The following RFX3 variants were observed in gnomAD, a reference collection of about 807,000 sequenced individuals.
The protein encoded by RFX3 is transcription factor RFX3.
RFX3 carries 14 observed loss-of-function variants against 98.6 expected under a neutral mutation model. The ratio of observed to expected loss-of-function variants is 0.14; its 90% CI spans 0.09 to 0.22. The LOEUF (loss-of-function observed/expected upper bound fraction) is 0.22. RFX3 is among the 10% of genes least tolerant of loss of function. The pLI is 1.00. For missense variants in RFX3, 639 were observed against 926.9 expected (o/e 0.69, Z 4.03); for synonymous variants, 383 against 328.4 (o/e 1.17, Z -1.80).
chr9:3,449,925 G>A (rs1011750760), intron 1 of RFX3, among the ~76,000 whole-genome samples: 1 of 150,500 alleles, frequency 6.6e-6, no homozygotes, highest in Admixed American at 6.6e-5. Flanking sequence ...AATTAAAATA[G>A]TTTAGGACAA....
intron 1 of RFX3, among the ~76,000 whole-genome samples, chr9:3,403,541 C>T (rs866205946): frequency 1.3e-4 from 20 of 152,250 alleles, no homozygotes; most frequent in Middle Eastern, 6.8e-3. Flanking sequence ...GTAACATATA[C>T]AGGTTGGCTG....
chr9:3,363,562 T>C (rs1031663295), intron 2 of RFX3, among the ~76,000 whole-genome samples: 3 of 152,238 alleles, frequency 2.0e-5, no homozygotes, highest in African/African-American at 7.2e-5. Context: ...TTCTTACTTA[T>C]ACATGATTAT....
At chr9:3,330,560 G>T in intron 3 of RFX3, 43 bp from the exon 4 acceptor site, 1 of 1,538,628 alleles carries the variant, frequency 6.5e-7, no homozygotes. Context: ...GCTTATTTAT[G>T]TCATCTTATT....
intron 2 of RFX3, among the ~76,000 whole-genome samples, chr9:3,376,005 T>C (rs1838440560): frequency 6.6e-6 from 1 of 151,540 alleles, no homozygotes. Context: ...CTACTTTAAA[T>C]AAAAGTAGAA....
intron 7 of RFX3, among the ~76,000 whole-genome samples, chr9:3,284,287 C>T (rs181425425): frequency 6.6e-6 from 1 of 151,746 alleles, no homozygotes; most frequent in African/African-American, 2.4e-5. Context: ...TAAACTGCAG[C>T]AAATACTGTT....
At chr9:3,270,074 GA>G (rs1563833219) in intron 11 of RFX3, among the ~76,000 whole-genome samples, 1 of 51,822 alleles carries the variant, frequency 1.9e-5, no homozygotes, top group Non-Finnish European at 4.7e-5. Flanking sequence ...GAAAGAAAGA[GA>G]AAGAAGGAAA....
chr9:3,309,793 C>A (rs1034346084), intron 4 of RFX3, among the ~76,000 whole-genome samples: 1 of 152,126 alleles, frequency 6.6e-6, no homozygotes, highest in Non-Finnish European at 1.5e-5. Flanking sequence ...TATTTTAAGT[C>A]CCCATTGCCT....
chr9:3,381,288 C>A (rs1029225515), intron 2 of RFX3, among the ~76,000 whole-genome samples: 1 of 151,720 alleles, frequency 6.6e-6, no homozygotes, highest in South Asian at 2.1e-4. Flanking sequence ...TATTAATGGT[C>A]GTAAACAGGA....
chr9:3,280,546 C>T (rs1384133786), intron 7 of RFX3, among the ~76,000 whole-genome samples: 1 of 151,670 alleles, frequency 6.6e-6, no homozygotes, highest in African/African-American at 2.4e-5. Context: ...TTTGTGTCTT[C>T]CCAAAGAAGG....
At chr9:3,358,354 A>T (rs1334023415) in intron 2 of RFX3, among the ~76,000 whole-genome samples, 3 of 152,148 alleles carry the variant, frequency 2.0e-5, no homozygotes, top group African/African-American at 7.2e-5. Context: ...TCAGCCATAA[A>T]TATGCACAAT....
At chr9:3,259,062 C>CATGTATGTAAATA (rs1277424761) in intron 13 of RFX3, among the ~76,000 whole-genome samples, 1 of 151,854 alleles carries the variant, frequency 6.6e-6, no homozygotes, top group African/African-American at 2.4e-5. Flanking sequence ...TGTTTTATTG[C>CATGTATGTAAATA]ATCATATACT....
chr9:3,419,754 T>C (rs1843285598), intron 1 of RFX3, among the ~76,000 whole-genome samples: 2 of 152,244 alleles, frequency 1.3e-5, no homozygotes, highest in Non-Finnish European at 2.9e-5. Context: ...GTTGTTACAC[T>C]GTATTTTTCA....
chr9:3,494,098 G>GT (rs1564172978), intron 1 of RFX3, among the ~76,000 whole-genome samples: 1 of 152,004 alleles, frequency 6.6e-6, no homozygotes, highest in Non-Finnish European at 1.5e-5. Context: ...AAGATATCAC[G>GT]TATCTTTTAA....
rs139968532 is a variant in RFX3, at chr9:3,519,916, A to G, written c.-9+5831T>C. 1.0e-3 allele frequency among the ~76,000 whole-genome samples: 154 copies of G among 151,608 alleles called. 2 individuals carry two copies. In the East Asian group the frequency reaches 0.019, roughly 19 times the overall value. On this transcript the variant is annotated intron_variant, in intron 1 of 16. Transcript: ENST00000617270. ...TTCAAAAATCTAGCCTGGGCAATGT[A>G]GCAAGACCCTGTCTCTACAAAAAAA...
intron 1 of RFX3, among the ~76,000 whole-genome samples, chr9:3,498,013 T>C (rs1564176027): frequency 6.6e-6 from 1 of 152,054 alleles, no homozygotes; most frequent in East Asian, 1.9e-4. Context: ...CATGTGTGTA[T>C]ATTTACAGCT....
chr9:3,242,613 C>G (rs1017773730), intron 15 of RFX3, among the ~76,000 whole-genome samples: 1 of 152,082 alleles, frequency 6.6e-6, no homozygotes, highest in Non-Finnish European at 1.5e-5. Context: ...TCTACTTCCA[C>G]CAAATGGAAT....
At chr9:3,328,947 T>G (rs1331802199) in intron 4 of RFX3, among the ~76,000 whole-genome samples, 1 of 152,210 alleles carries the variant, frequency 6.6e-6, no homozygotes, top group African/African-American at 2.4e-5. Flanking sequence ...ATGTAATACC[T>G]AGAAAATCTA....
In RFX3 at chr9:3,347,329, AAAAG is replaced by A. The variant is rs1157237237; in HGVS notation, c.118-569_118-566del. 5.3e-5 allele frequency among the ~76,000 whole-genome samples: 8 copies of A among 152,092 alleles called. No individual in the cohort carries two copies. The East Asian group carries it at 9.7e-4, about 18-fold the overall frequency. On this transcript the variant is annotated intron_variant, in intron 2 of 16. Transcript: ENST00000617270. Reference sequence around the variant, plus strand: ...GAGTGAGATTCTGTCTCAAAAAAAAAAAAGAAAGTTCTTATTTTGGTGACTTATG... The same window carrying A: ...GAGTGAGATTCTGTCTCAAAAAAAAAAAAGTTCTTATTTTGGTGACTTATG...
In RFX3 at chr9:3,379,259, G is replaced by A. The variant is rs529801207; in HGVS notation, c.117+16213C>T. Among the ~76,000 whole-genome samples the A allele has an allele frequency of 2.0e-5, 3 of 152,294 alleles. No individual in the cohort carries two copies. The South Asian group carries it at 6.2e-4, about 32-fold the overall frequency. On this transcript the variant is annotated intron_variant, in intron 2 of 16. Transcript: ENST00000617270. ...TGTGAAGGAAAGGTACATGGGCTAGGAGAGTGCATAAAGGAAAGTTAATCT... is the reference window on the plus strand; with the variant it reads ...TGTGAAGGAAAGGTACATGGGCTAGAAGAGTGCATAAAGGAAAGTTAATCT...
Sources: gnomAD v4.1 joint callset for allele counts (sites outside exome capture counted in the v4.1 genomes callset) on GRCh38, gnomAD v4.1.1 for gene constraint, MANE v1.5 for transcripts, NCBI Gene and HGNC (gene_info 2026-07-23, HGNC 2026-07-21) for gene names.